The following GRIN2A variants were observed in gnomAD, a reference collection of about 807,000 sequenced individuals.
The protein encoded by GRIN2A is glutamate ionotropic receptor NMDA type subunit 2A.
In GRIN2A, 22 loss-of-function variants were observed where a neutral mutation model predicts 113.4. The observed-to-expected ratio is 0.19, with a 90% CI of 0.14 to 0.28. The LOEUF (loss-of-function observed/expected upper bound fraction) is 0.28, where lower values mean the gene tolerates loss of function less well. Ranked by LOEUF, GRIN2A falls within the 10% of genes least tolerant of loss-of-function variation. The pLI is 1.00. For missense variants in GRIN2A, 1,502 were observed against 1,887.0 expected (o/e 0.80, Z 3.78); for synonymous variants, 827 against 738.4 (o/e 1.12, Z -1.94).
intron 3 of GRIN2A, among the ~76,000 whole-genome samples, chr16:9,898,358 C>T (rs907405678): frequency 6.6e-6 from 1 of 152,156 alleles, no homozygotes; most frequent in East Asian, 1.9e-4. Flanking sequence ...GTGTGAACAG[C>T]CAACCATAAT....
chr16:9,959,781 C>T (rs1596363721), intron 2 of GRIN2A, among the ~76,000 whole-genome samples: 1 of 152,188 alleles, frequency 6.6e-6, no homozygotes, highest in Non-Finnish European at 1.5e-5. Flanking sequence ...CGAGACCAGC[C>T]TGGCCAACAT....
intron 2 of GRIN2A, among the ~76,000 whole-genome samples, chr16:10,148,705 G>A (rs7199319): frequency 2.9e-4 from 44 of 152,222 alleles, no homozygotes; most frequent in African/African-American, 1.0e-3. Flanking sequence ...ATATGACCCA[G>A]CAATCCTACT....
At chr16:9,856,160 T>A (rs1248968156) in intron 4 of GRIN2A, among the ~76,000 whole-genome samples, 2 of 152,180 alleles carry the variant, frequency 1.3e-5, no homozygotes, top group Non-Finnish European at 2.9e-5. Context: ...CATTGCATGA[T>A]GAGGAAACCA....
chr16:9,767,678 G>A (rs575980627), intron 12 of GRIN2A, among the ~76,000 whole-genome samples: 21 of 152,298 alleles, frequency 1.4e-4, no homozygotes, highest in African/African-American at 4.3e-4. Flanking sequence ...TGCATAGATG[G>A]CTGAAACGAA....
At chr16:10,179,858 A>G in intron 2 of GRIN2A, 140 bp downstream of exon 2, 1 of 743,442 alleles carries the variant, frequency 1.3e-6, no homozygotes, top group South Asian at 1.5e-5. Flanking sequence ...GGTTCTCACC[A>G]GGGCCAGTGG....
intron 3 of GRIN2A, among the ~76,000 whole-genome samples, chr16:9,926,621 T>C (rs930737218): frequency 1.3e-5 from 2 of 152,100 alleles, no homozygotes; most frequent in African/African-American, 4.8e-5. Context: ...TGGAAATAAA[T>C]ACACATAATG....
In GRIN2A at chr16:9,754,950, C is replaced by A. The variant is rs1041558755; in HGVS notation, c.*8199G>T. 2 of 214,538 alleles carry A rather than the reference C, an allele frequency of 9.3e-6. No homozygotes were observed. Among genetic ancestry groups the A allele is most frequent in the Non-Finnish European group, 1.9e-5 (2 of 106,476 alleles). 13.3% of individuals were successfully genotyped at this position (214,538 alleles called of 1,614,324 possible). A position where few individuals can be genotyped will look rare whatever the true frequency, so the allele number is the denominator to read the frequency against. ...CTCATGTTTGCTGGAGAACAATTAA[C>A]CTCATTAATTTGAAAGGCAGCTGTG... On this transcript the variant is annotated 3_prime_UTR_variant, in exon 13 of 13. Transcript: ENST00000330684.
At chr16:10,051,463 G>C (rs1276030341) in intron 2 of GRIN2A, among the ~76,000 whole-genome samples, 2 of 152,208 alleles carry the variant, frequency 1.3e-5, no homozygotes, top group African/African-American at 4.8e-5. Flanking sequence ...AAGATCAATG[G>C]CTGACTCATA....
Position 9,757,557 on chromosome 16 carries a change from A to C in GRIN2A, c.*5592T>G. 1.8e-5 allele frequency: 4 copies of C among 227,028 alleles called. No homozygotes were observed. The highest frequency in any genetic ancestry group is 3.5e-5 in the Non-Finnish European group (4 of 114,144). The allele number at this position is 227,028 out of a possible 1,614,324, so 14.1% of individuals were successfully genotyped here. A position where few individuals can be genotyped will look rare whatever the true frequency, so the allele number is the denominator to read the frequency against. ...TGGGAAGAGACTATATTTTCTATTT[A>C]TTTTGCATCCCCTCCCCCACAATCC... On this transcript the variant is annotated 3_prime_UTR_variant, in exon 13 of 13. Transcript: ENST00000330684.
chr16:9,856,956 A>G (rs1466067477), intron 4 of GRIN2A, among the ~76,000 whole-genome samples: 3 of 152,242 alleles, frequency 2.0e-5, no homozygotes, highest in Non-Finnish European at 4.4e-5. Context: ...GTCAAAGCCA[A>G]TATGGACAAT....
intron 2 of GRIN2A, among the ~76,000 whole-genome samples, chr16:9,958,332 G>C (rs148457222): frequency 6.6e-6 from 1 of 152,066 alleles, no homozygotes; most frequent in Non-Finnish European, 1.5e-5. Context: ...GCTGATGTGG[G>C]CAATGTTGGT....
chr16:9,803,190 A>G (rs540501409), intron 10 of GRIN2A, among the ~76,000 whole-genome samples: 2 of 152,218 alleles, frequency 1.3e-5, no homozygotes, highest in South Asian at 4.2e-4. Flanking sequence ...GGATCACCTG[A>G]GGTCGGGAGT....
At position 9,756,545 on chromosome 16, in the gene GRIN2A, T is replaced by C. The variant is rs1396164569; in HGVS notation, c.*6604A>G. ...GAGGAGACCAGGCACTTTGAAAATA[T>C]GTCTAACGTTAGGGATTTACTAGCT... is the stretch of plus-strand genomic sequence containing the variant. On this transcript the variant is annotated 3_prime_UTR_variant, in exon 13 of 13. Coordinates refer to ENST00000330684, the MANE Select transcript of GRIN2A (RefSeq NM_001134407.3). 4.8e-6 allele frequency: 1 copy of C among 209,904 alleles called. No homozygotes were observed. Among genetic ancestry groups the C allele is most frequent in the Non-Finnish European group, 9.7e-6 (1 of 103,176 alleles). The allele number at this position is 209,904 out of a possible 1,614,324, so 13.0% of individuals were successfully genotyped here.
chr16:10,043,448 T>G (rs968471240), intron 2 of GRIN2A, among the ~76,000 whole-genome samples: 1 of 152,198 alleles, frequency 6.6e-6, no homozygotes, highest in Non-Finnish European at 1.5e-5. Context: ...GCTACCTCCT[T>G]ATCTTTTTGT....
At chr16:10,171,945 T>A (rs76902168) in intron 2 of GRIN2A, among the ~76,000 whole-genome samples, 7,074 of 152,278 alleles carry the variant, frequency 0.046, 233 homozygotes, top group Middle Eastern at 0.078. Flanking sequence ...ATCCCTGAAT[T>A]TAAATTCAGG....
At chr16:10,049,642 G>A (rs1291641866) in intron 2 of GRIN2A, among the ~76,000 whole-genome samples, 1 of 152,210 alleles carries the variant, frequency 6.6e-6, no homozygotes, top group African/African-American at 2.4e-5. Flanking sequence ...GCCTCCCAAA[G>A]TGCTGGGATT....
intron 2 of GRIN2A, among the ~76,000 whole-genome samples, chr16:10,109,453 A>C (rs2048567535): frequency 6.6e-6 from 1 of 152,154 alleles, no homozygotes; most frequent in African/African-American, 2.4e-5. Flanking sequence ...CCAAAACCAG[A>C]GGAAGCCATT....
At chr16:10,095,100 C>G (rs1214380498) in intron 2 of GRIN2A, among the ~76,000 whole-genome samples, 3 of 152,148 alleles carry the variant, frequency 2.0e-5, no homozygotes, top group Non-Finnish European at 2.9e-5. Flanking sequence ...CTCTCTCTCT[C>G]TCTCCACCAG....
chr16:10,161,815 C>T (rs1433604767), intron 2 of GRIN2A, among the ~76,000 whole-genome samples: 1 of 152,158 alleles, frequency 6.6e-6, no homozygotes, highest in Non-Finnish European at 1.5e-5. Flanking sequence ...CCTTGGATTA[C>T]AGCCCCTTCC....
Sources: allele counts gnomAD v4.1 joint callset (sites outside exome capture counted in the v4.1 genomes callset), GRCh38; gene constraint gnomAD v4.1.1; transcripts MANE v1.5; gene names NCBI Gene and HGNC (gene_info 2026-07-23, HGNC 2026-07-21).